Variants in RNASE10 observed in about 807,000 individuals in gnomAD.
RNASE10 encodes the protein ribonuclease A family member 10 (inactive).
RNASE10 carries 2 observed loss-of-function variants against 1.1 expected under a neutral mutation model. The observed-to-expected ratio is 1.82, with a 90% CI of 0.74 to 5.73. RNASE10 has a LOEUF of 5.73. RNASE10 is among the 30% of genes most tolerant of loss of function. RNASE10 has a pLI of 0.05. For missense variants in RNASE10, 276 were observed against 263.4 expected, an observed-to-expected ratio of 1.05 and a Z score of -0.33; for synonymous variants, 97 against 96.2, an observed-to-expected ratio of 1.01 and a Z score of -0.05.
intron 1 of RNASE10, among the ~76,000 whole-genome samples, chr14:20,508,652 T>C (rs1278945884): frequency 6.6e-6 from 1 of 152,104 alleles, no homozygotes; most frequent in African/African-American, 2.4e-5. Context: ...GGTGAAAGTG[T>C]CTCAACTTAA....
intron 1 of RNASE10, among the ~76,000 whole-genome samples, chr14:20,506,742 C>T (rs1312167491): frequency 6.1e-5 from 8 of 130,978 alleles, no homozygotes; most frequent in African/African-American, 1.8e-4. Context: ...CCCGGCCAGC[C>T]GCCCCGTCCG....
downstream of RNASE10, among the ~76,000 whole-genome samples, chr14:20,513,344 G>A (rs1882942658): frequency 6.6e-6 from 1 of 152,158 alleles, no homozygotes; most frequent in South Asian, 2.1e-4. Flanking sequence ...TGATAACAGG[G>A]TGACAAGGCA....
chr14:20,510,393 G>T, intron 1 of RNASE10, 74 bp from the exon 2 acceptor site: 1 of 1,534,296 alleles, frequency 6.5e-7, no homozygotes, highest in Admixed American at 2.0e-5. Context: ...GTAGGGCTTA[G>T]TGAGATTACA....
At chr14:20,505,305 TCC>T (rs1882669711), upstream of RNASE10, among the ~76,000 whole-genome samples, 1 of 60,116 alleles carries the variant, frequency 1.7e-5, no homozygotes, top group African/African-American at 7.6e-5. Flanking sequence ...CCTCTCCCTC[TCC>T]CTCTCCCTCT....
chr14:20,507,019 G>T (rs1340458899), intron 1 of RNASE10, among the ~76,000 whole-genome samples: 44 of 150,826 alleles, frequency 2.9e-4, no homozygotes, highest in Non-Finnish European at 6.1e-4. Context: ...CCGGCCAGCC[G>T]CCCTGTCCGG....
At chr14:20,510,400 TAC>T in intron 1 of RNASE10, 65 bp from the exon 2 acceptor site, 5 of 1,540,736 alleles carry the variant, frequency 3.2e-6, no homozygotes, top group Non-Finnish European at 4.3e-6. Context: ...TTAGTGAGAT[TAC>T]AGTCTCTACT....
chr14:20,510,773 C>T (rs200320242), exon 2 of RNASE10: 14 of 1,614,088 alleles, frequency 8.7e-6, no homozygotes, highest in Non-Finnish European at 5.9e-6. Context: ...AGAGCCTCAG[C>T]TCTCTTTCAG....
intron 1 of RNASE10, among the ~76,000 whole-genome samples, chr14:20,506,274 C>T: frequency 1.6e-5 from 2 of 126,614 alleles, no homozygotes; most frequent in African/African-American, 6.2e-5. Flanking sequence ...AGTGAGGAGC[C>T]CATCTGCCCG....
chr14:20,511,459 C>G (rs911592624), downstream of RNASE10, among the ~76,000 whole-genome samples: 1 of 152,170 alleles, frequency 6.6e-6, no homozygotes, highest in Non-Finnish European at 1.5e-5. Flanking sequence ...TTTAGTGTAT[C>G]CTTTACCCAT....
In RNASE10 at chr14:20,510,377, A is replaced by G. The variant is rs1194138444; in HGVS notation, c.80-90A>G. On this transcript the variant is annotated intron_variant, in intron 1 of 1. Coordinates refer to ENST00000430083, the Ensembl canonical transcript of RNASE10. ...AGAAGACACAGGAGACCCCAGATAC[A>G]ATGCTGTAGGGCTTAGTGAGATTAC... The G allele has an allele frequency of 2.6e-6, 4 of 1,512,228 alleles. No individual in the cohort carries two copies. The East Asian group carries it at 9.0e-5, about 34-fold the overall frequency. 93.7% of individuals were successfully genotyped at this position (1,512,228 alleles called of 1,614,324 possible). A position where few individuals can be genotyped will look rare whatever the true frequency, so the allele number is the denominator to read the frequency against.
At chr14:20,513,304 G>A (rs1003690189), downstream of RNASE10, among the ~76,000 whole-genome samples, 1 of 152,242 alleles carries the variant, frequency 6.6e-6, no homozygotes, top group Non-Finnish European at 1.5e-5. Context: ...GCGCCTAGTG[G>A]CTCAAGCAGG....
chr14:20,510,799 C>G, exon 2 of RNASE10: 1 of 1,614,194 alleles, frequency 6.2e-7, no homozygotes, highest in Admixed American at 1.7e-5. Flanking sequence ...CAAAGACTAT[C>G]TTAGGCTTGA....
At chr14:20,508,413 T>A (rs1387429393) in intron 1 of RNASE10, among the ~76,000 whole-genome samples, 1 of 152,186 alleles carries the variant, frequency 6.6e-6, no homozygotes, top group Admixed American at 6.5e-5. Context: ...TCTCACTCCA[T>A]CCTGCCTGGG....
At chr14:20,512,547 G>A (rs1882922606), downstream of RNASE10, among the ~76,000 whole-genome samples, 1 of 152,190 alleles carries the variant, frequency 6.6e-6, no homozygotes, top group Non-Finnish European at 1.5e-5. Context: ...ACTCTGACCT[G>A]GCTTGCATTT....
chr14:20,508,641 A>G (rs975866601), intron 1 of RNASE10, among the ~76,000 whole-genome samples: 1 of 152,198 alleles, frequency 6.6e-6, no homozygotes, highest in Non-Finnish European at 1.5e-5. Flanking sequence ...TTGAGTGAAA[A>G]GGTGAAAGTG....
At chr14:20,510,005 G>C (rs1237798564) in intron 1 of RNASE10, among the ~76,000 whole-genome samples, 1 of 149,808 alleles carries the variant, frequency 6.7e-6, no homozygotes, top group Non-Finnish European at 1.5e-5. Context: ...TGTGATCCCA[G>C]CTACTTGGGA....
exon 2 of RNASE10, chr14:20,510,511 ATGC>A: frequency 6.2e-7 from 1 of 1,613,048 alleles, no homozygotes; most frequent in Non-Finnish European, 8.5e-7. Flanking sequence ...CATGTTGCTG[ATGC>A]TGCTGCTGGG....
downstream of RNASE10, among the ~76,000 whole-genome samples, chr14:20,512,755 G>T (rs189409988): frequency 1.2e-4 from 19 of 152,250 alleles, no homozygotes; most frequent in African/African-American, 4.1e-4. Context: ...TCCATCTGTG[G>T]GCTGGCCTGA....
At chr14:20,508,487 A>C (rs1479851735) in intron 1 of RNASE10, among the ~76,000 whole-genome samples, 1 of 152,156 alleles carries the variant, frequency 6.6e-6, no homozygotes, top group Non-Finnish European at 1.5e-5. Flanking sequence ...TTAGCTACTT[A>C]GTGGCCAATA....
Sources: allele counts gnomAD v4.1 joint callset (sites outside exome capture counted in the v4.1 genomes callset), GRCh38; gene constraint gnomAD v4.1.1; transcripts MANE v1.5; gene names NCBI Gene and HGNC (gene_info 2026-07-23, HGNC 2026-07-21).